C6: variants seen among roughly 807,000 people sequenced by gnomAD.
C6 encodes the protein complement component C6.
Under a neutral mutation model 112.9 loss-of-function variants are expected in C6, and 101 were observed. That is an observed-to-expected ratio of 0.89 (90% CI 0.76 to 1.06). The LOEUF (loss-of-function observed/expected upper bound fraction) is 1.06. Among genes scored for constraint, C6 ranks in the 50% least tolerant of loss-of-function variants. The probability of loss-of-function intolerance (pLI) is 0.00; values close to 1 mark genes in which losing one functional copy is unlikely to be tolerated. For synonymous variants in C6, 431 were observed against 384.1 expected (o/e 1.12, Z -1.43); for missense variants, 1,202 against 1,104.6 (o/e 1.09, Z -1.25).
intron 9 of C6, among the ~76,000 whole-genome samples, chr5:41,169,166 C>A (rs1247395353): frequency 1.3e-5 from 2 of 152,042 alleles, no homozygotes; most frequent in South Asian, 2.1e-4. Flanking sequence ...CCAGAGGAGG[C>A]AAATGACCTA....
At chr5:41,232,961 G>T (rs1450859552) in intron 1 of C6, among the ~76,000 whole-genome samples, 1 of 151,836 alleles carries the variant, frequency 6.6e-6, no homozygotes, top group Non-Finnish European at 1.5e-5. Context: ...AAATACAGCA[G>T]ATATTTTATA....
chr5:41,174,170 T>C (rs1258769860), intron 8 of C6, among the ~76,000 whole-genome samples: 1 of 152,218 alleles, frequency 6.6e-6, no homozygotes, highest in Non-Finnish European at 1.5e-5. Context: ...TTTATGACAT[T>C]GGTCATGCAG....
At chr5:41,228,514 G>A (rs939768178) in intron 1 of C6, among the ~76,000 whole-genome samples, 4 of 152,080 alleles carry the variant, frequency 2.6e-5, no homozygotes, top group Non-Finnish European at 4.4e-5. Flanking sequence ...AAGAAAGTGG[G>A]CATTTCTGTC....
At chr5:41,201,830 A>G in intron 2 of C6, 116 bp from the exon 3 acceptor site, 1 of 996,396 alleles carries the variant, frequency 1.0e-6, no homozygotes, top group Non-Finnish European at 1.6e-6. Context: ...GAAAATTTTC[A>G]TGGAAAAATT....
At chr5:41,246,777 C>T (rs916747826) in intron 1 of C6, among the ~76,000 whole-genome samples, 3 of 152,120 alleles carry the variant, frequency 2.0e-5, no homozygotes, top group Admixed American at 1.3e-4. Flanking sequence ...GAGGGCAAGA[C>T]AAACAAACTT....
intron 5 of C6, 150 bp downstream of exon 5, chr5:41,195,642 C>T (rs1750552598): frequency 2.3e-6 from 2 of 869,094 alleles, no homozygotes; most frequent in Non-Finnish European, 3.8e-6. Flanking sequence ...CACATACCTC[C>T]TGAACATGGT....
At chr5:41,220,798 A>G (rs1478018168) in intron 1 of C6, among the ~76,000 whole-genome samples, 1 of 152,022 alleles carries the variant, frequency 6.6e-6, no homozygotes, top group Non-Finnish European at 1.5e-5. Context: ...AAATGATTTC[A>G]TTATTTAGGT....
chr5:41,222,526 C>T (rs1739243474), intron 1 of C6, among the ~76,000 whole-genome samples: 1 of 151,614 alleles, frequency 6.6e-6, no homozygotes, highest in South Asian at 2.1e-4. Flanking sequence ...AAGGAATGAA[C>T]AATTACAATG....
chr5:41,212,102 T>A (rs919031270), intron 1 of C6, among the ~76,000 whole-genome samples: 2 of 152,316 alleles, frequency 1.3e-5, no homozygotes, highest in South Asian at 4.1e-4. Context: ...TGGTAGCTTT[T>A]CTTTTTTAAT....
chr5:41,152,813 A>G (rs1319335340), intron 15 of C6: 1 of 152,198 alleles, frequency 6.6e-6, no homozygotes. Context: ...TTCCAAAAAG[A>G]ATCAATTCAG....
At chr5:41,236,841 A>G (rs1281255185) in intron 1 of C6, among the ~76,000 whole-genome samples, 1 of 130,956 alleles carries the variant, frequency 7.6e-6, no homozygotes, top group African/African-American at 3.0e-5. Flanking sequence ...AAGACTAATA[A>G]AGAAAAAAAG....
intron 1 of C6, among the ~76,000 whole-genome samples, chr5:41,227,969 C>A (rs1311342100): frequency 6.6e-6 from 1 of 152,022 alleles, no homozygotes; most frequent in Non-Finnish European, 1.5e-5. Context: ...TGGTTCCTTA[C>A]AAGTTTTAGG....
chr5:41,248,580 C>T (rs9763598), intron 1 of C6, among the ~76,000 whole-genome samples: 3,908 of 152,264 alleles, frequency 0.026, 169 homozygotes, highest in African/African-American at 0.09. Context: ...AAACATTCCA[C>T]ATCACTAATG....
chr5:41,177,982 A>C (rs1748993707), intron 7 of C6, among the ~76,000 whole-genome samples: 1 of 152,166 alleles, frequency 6.6e-6, no homozygotes, highest in Non-Finnish European at 1.5e-5. Flanking sequence ...GAGTATCTGA[A>C]CTGCCCTTTC....
At chr5:41,229,611 A>T (rs1739758951) in intron 1 of C6, among the ~76,000 whole-genome samples, 1 of 152,046 alleles carries the variant, frequency 6.6e-6, no homozygotes, top group South Asian at 2.1e-4. Flanking sequence ...ATCTATTCTC[A>T]GTAACGTTCA....
chr5:41,190,985 T>C (rs540864302), intron 5 of C6, among the ~76,000 whole-genome samples: 1 of 151,800 alleles, frequency 6.6e-6, no homozygotes, highest in East Asian at 1.9e-4. Context: ...GCCAATAGTG[T>C]GCTGCTTGGG....
intron 16 of C6, 83 bp from the exon 17 acceptor site, chr5:41,149,565 CACCA>C: frequency 6.4e-7 from 1 of 1,567,072 alleles, no homozygotes; most frequent in Non-Finnish European, 8.7e-7. Context: ...TGTGTTCACT[CACCA>C]ACCAGTTTTC....
intron 1 of C6, among the ~76,000 whole-genome samples, chr5:41,232,363 C>T (rs1426506322): frequency 6.6e-6 from 1 of 152,064 alleles, no homozygotes; most frequent in Non-Finnish European, 1.5e-5. Flanking sequence ...TGGCCTACTT[C>T]AATTATCAGT....
At chr5:41,194,006 G>A (rs913221633) in intron 5 of C6, among the ~76,000 whole-genome samples, 2 of 152,074 alleles carry the variant, frequency 1.3e-5, no homozygotes, top group African/African-American at 4.8e-5. Flanking sequence ...GGTTGGCAGA[G>A]GGCCACGTCG....
Sources: gnomAD v4.1 joint callset for allele counts (sites outside exome capture counted in the v4.1 genomes callset) on GRCh38, gnomAD v4.1.1 for gene constraint, MANE v1.5 for transcripts, NCBI Gene and HGNC (gene_info 2026-07-23, HGNC 2026-07-21) for gene names.